DDX19B: variants seen among roughly 807,000 people sequenced by gnomAD.
DDX19B encodes ATP-dependent RNA helicase DDX19B.
In DDX19B, 27 loss-of-function variants were observed where a neutral mutation model predicts 58.1. The ratio of observed to expected loss-of-function variants is 0.46; its 90% CI spans 0.34 to 0.64. The LOEUF is 0.64. Ranked by LOEUF, DDX19B falls within the 30% of genes least tolerant of loss-of-function variation. The pLI is 0.01. For synonymous variants in DDX19B, 187 were observed against 214.4 expected (o/e 0.87, Z 1.12); for missense variants, 399 against 596.5 (o/e 0.67, Z 3.45).
chr16:70,334,457 A>G lies in DDX19B; in HGVS notation c.*875A>G, dbSNP rs1963631282. On this transcript the variant is annotated 3_prime_UTR_variant, in exon 12 of 12. Transcript: ENST00000288071. ...CAAACAAATGTGATCTGAGGTTTAG[A>G]TCCTCAGTGAAAATTGTGGTTTCAA... 6.6e-6 allele frequency: 1 copy of G among 152,094 alleles called. No individual in the cohort carries two copies. Among genetic ancestry groups the G allele is most frequent in the Non-Finnish European group, 1.5e-5 (1 of 68,038 alleles). 9.4% of individuals were successfully genotyped at this position (152,094 alleles called of 1,614,324 possible).
At chr16:70,325,551 A>C (rs1291502035) in intron 6 of DDX19B, 23 bp from the exon 7 acceptor site, 4 of 1,547,150 alleles carry the variant, frequency 2.6e-6, no homozygotes, top group Non-Finnish European at 8.9e-7. Context: ...TTGAATTTGC[A>C]CTCTGCATTC....
chr16:70,290,970 T>C (rs1182349493), upstream of DDX19B, among the ~76,000 whole-genome samples: 1 of 152,178 alleles, frequency 6.6e-6, no homozygotes, highest in African/African-American at 2.4e-5. Context: ...CTGCTGGTCA[T>C]AACTCAAGTT....
At chr16:70,314,807 C>T in intron 2 of DDX19B, 95 bp from the exon 3 acceptor site, 1 of 1,402,228 alleles carries the variant, frequency 7.1e-7, no homozygotes, top group Non-Finnish European at 1.0e-6. Flanking sequence ...CTCCCCAGGC[C>T]TTTACAAAAA....
intron 1 of DDX19B, among the ~76,000 whole-genome samples, chr16:70,300,168 A>G (rs1333223190): frequency 2.6e-5 from 4 of 151,940 alleles, no homozygotes; most frequent in Non-Finnish European, 4.4e-5. Flanking sequence ...TATTTTAAAA[A>G]CAACGGTTCC....
intron 1 of DDX19B, among the ~76,000 whole-genome samples, chr16:70,303,702 G>A (rs372940771): frequency 9.2e-4 from 140 of 151,640 alleles, no homozygotes; most frequent in African/African-American, 3.0e-3. Context: ...GACTACAGGC[G>A]CCCACCACCA....
upstream of DDX19B, among the ~76,000 whole-genome samples, chr16:70,293,759 C>G (rs1318887909): frequency 3.3e-5 from 5 of 150,148 alleles, no homozygotes; most frequent in Non-Finnish European, 4.4e-5. Flanking sequence ...CTACAGGCGC[C>G]CGCCACCGTG....
In DDX19B at chr16:70,333,521, A is replaced by G. The variant is rs756052199; in HGVS notation, c.1379A>G (p.Asn460Ser). The part of the protein sequence containing the change: ...NILNRIQEHF[N>S]KKIERLDTDD... Reference sequence around the variant, plus strand: ...AGAGACCTGTGTATCTTTCCCCCAGATAAGAAGATAGAAAGATTGGACACA... The same window carrying G: ...AGAGACCTGTGTATCTTTCCCCCAGGTAAGAAGATAGAAAGATTGGACACA... Residue 460 changes from asparagine (N) to serine (S), a missense_variant and splice_region_variant, in exon 12 of 12, where the codon AAT (asparagine) becomes AGT (serine). By Grantham distance (46) the Asn-to-Ser change is conservative. Coordinates refer to ENST00000288071, the MANE Select transcript of DDX19B (RefSeq NM_007242.7). 5 of 1,613,896 alleles carry G rather than the reference A, an allele frequency of 3.1e-6. No homozygotes were observed. The highest frequency in any genetic ancestry group is 2.7e-5 in the African/African-American group (2 of 74,932).
At chr16:70,330,774 T>C (rs2152214695) in intron 9 of DDX19B, among the ~76,000 whole-genome samples, 1 of 152,140 alleles carries the variant, frequency 6.6e-6, no homozygotes, top group South Asian at 2.1e-4. Context: ...CTGGGCACAG[T>C]GGCTCACGCC....
upstream of DDX19B, among the ~76,000 whole-genome samples, chr16:70,291,004 C>G (rs1412904052): frequency 6.6e-6 from 1 of 152,170 alleles, no homozygotes; most frequent in Non-Finnish European, 1.5e-5. Flanking sequence ...AAAAATACTA[C>G]TTTTTATGCA....
rs368145298 is a variant in DDX19B at position 70,304,735 on chromosome 16, T to C, written c.57+5381T>C. ...AGTCCTTTGGTTTTCTTTTTTCTTC[T>C]GTTTTTCATCTTTGTCTCTTTTTTT... is the stretch of plus-strand genomic sequence containing the variant. On this transcript the variant is annotated intron_variant, in intron 1 of 11. Transcript: ENST00000288071. Among the ~76,000 whole-genome samples the C allele has an allele frequency of 2.0e-4, 30 of 152,256 alleles. No individual in the cohort carries two copies. The East Asian group carries it at 3.9e-3, about 20-fold the overall frequency.
At chr16:70,327,361 C>T (rs1293808557) in intron 7 of DDX19B, among the ~76,000 whole-genome samples, 1 of 151,754 alleles carries the variant, frequency 6.6e-6, no homozygotes, top group Non-Finnish European at 1.5e-5. Flanking sequence ...GGTGAAACCC[C>T]ATCTCTACTA....
chr16:70,306,620 A>C (rs750211881), intron 1 of DDX19B, among the ~76,000 whole-genome samples: 8 of 152,248 alleles, frequency 5.3e-5, no homozygotes, highest in Non-Finnish European at 7.3e-5. Context: ...ATAAAAACTC[A>C]GGTATGAAAT....
At chr16:70,311,490 G>T (rs2152194265) in intron 1 of DDX19B, among the ~76,000 whole-genome samples, 1 of 152,290 alleles carries the variant, frequency 6.6e-6, no homozygotes, top group Non-Finnish European at 1.5e-5. Flanking sequence ...CTGTGGGGTA[G>T]CCCTGCTCCT....
intron 5 of DDX19B, among the ~76,000 whole-genome samples, chr16:70,319,951 G>A (rs577136776): frequency 5.3e-5 from 8 of 151,994 alleles, no homozygotes; most frequent in Non-Finnish European, 1.2e-4. Context: ...AAAGTTTTTT[G>A]TTCTGTGTCA....
upstream of DDX19B, chr16:70,294,834 T>C: frequency 6.7e-7 from 1 of 1,497,584 alleles, no homozygotes; most frequent in Non-Finnish European, 8.8e-7. Flanking sequence ...GTAACTGCCA[T>C]GCTCAGCCGC....
At chr16:70,311,096 G>A (rs962108227) in intron 1 of DDX19B, among the ~76,000 whole-genome samples, 12 of 147,868 alleles carry the variant, frequency 8.1e-5, no homozygotes, top group Non-Finnish European at 1.8e-4. Context: ...TAGAAAGGCC[G>A]GGCGTGGCAG....
chr16:70,311,767 A>T (rs1962106464), intron 1 of DDX19B, among the ~76,000 whole-genome samples: 1 of 152,200 alleles, frequency 6.6e-6, no homozygotes, highest in African/African-American at 2.4e-5. Flanking sequence ...GCACATCAGC[A>T]TACTGTGGTC....
chr16:70,324,669 T>A lies in DDX19B; in HGVS notation c.474T>A (p.Pro158=). The change falls in exon 6 of 12, where the codon CCT becomes CCA. Residue 158 remains proline (P), a synonymous_variant. Transcript: ENST00000288071. ...FVLAMLSQVE[P]ANKYPQCLCL... is the part of the protein sequence containing the mutation. ...TGGCCATGCTTAGCCAAGTAGAACCTGCAAACAAATACCCCCAGGTAAGGA... is the reference window on the plus strand; with the variant it reads ...TGGCCATGCTTAGCCAAGTAGAACCAGCAAACAAATACCCCCAGGTAAGGA... The A allele has an allele frequency of 6.2e-7, 1 of 1,613,486 alleles. No homozygotes were observed. Among genetic ancestry groups the A allele is most frequent in the South Asian group, 1.1e-5 (1 of 90,968 alleles).
intron 5 of DDX19B, chr16:70,319,516 T>C (rs778728998): frequency 7.2e-5 from 11 of 152,136 alleles, no homozygotes; most frequent in Non-Finnish European, 1.5e-4. Context: ...TTAATACAGA[T>C]TGATCCTATA....
Sources: gnomAD v4.1 joint callset for allele counts (sites outside exome capture counted in the v4.1 genomes callset) on GRCh38, gnomAD v4.1.1 for gene constraint, MANE v1.5 for transcripts, NCBI Gene and HGNC (gene_info 2026-07-23, HGNC 2026-07-21) for gene names.